The following PIP4K2A variants were observed in gnomAD, a reference collection of about 807,000 sequenced individuals.
PIP4K2A encodes phosphatidylinositol 5-phosphate 4-kinase type-2 alpha.
Under a neutral mutation model 42.9 loss-of-function variants are expected in PIP4K2A, and 14 were observed. The observed-to-expected ratio is 0.33, with a 90% confidence interval of 0.22 to 0.51. The LOEUF (loss-of-function observed/expected upper bound fraction) is 0.51, where lower values mean the gene tolerates loss of function less well. PIP4K2A is among the 20% of genes least tolerant of loss of function. The probability of loss-of-function intolerance (pLI) is 0.97; values close to 1 mark genes in which losing one functional copy is unlikely to be tolerated. For missense variants in PIP4K2A, 434 were observed against 519.8 expected (o/e 0.83, Z 1.61); for synonymous variants, 192 against 192.2 (o/e 1.00, Z 0.01).
chr10:22,661,350 T>C (rs112415998), intron 1 of PIP4K2A, among the ~76,000 whole-genome samples: 4 of 80,298 alleles, frequency 5.0e-5, no homozygotes, highest in Admixed American at 1.1e-4. Flanking sequence ...TGATGCTGCC[T>C]TTTTTTTTTT....
chr10:22,692,994 T>C (rs1011746046), intron 1 of PIP4K2A, among the ~76,000 whole-genome samples: 1 of 152,228 alleles, frequency 6.6e-6, no homozygotes, highest in African/African-American at 2.4e-5. Flanking sequence ...ACCTGGTGTG[T>C]GTCCCATTTT....
intron 6 of PIP4K2A, among the ~76,000 whole-genome samples, chr10:22,557,754 A>C (rs968095296): frequency 6.6e-6 from 1 of 152,240 alleles, no homozygotes; most frequent in African/African-American, 2.4e-5. Flanking sequence ...CTAAACTTTA[A>C]TTATACAACA....
At chr10:22,565,444 T>A (rs1417452916) in intron 6 of PIP4K2A, among the ~76,000 whole-genome samples, 2 of 152,178 alleles carry the variant, frequency 1.3e-5, no homozygotes, top group Non-Finnish European at 2.9e-5. Flanking sequence ...CAACATAAAT[T>A]GTAAAGATTT....
At chr10:22,615,926 C>T (rs1207368234) in intron 1 of PIP4K2A, among the ~76,000 whole-genome samples, 3 of 151,960 alleles carry the variant, frequency 2.0e-5, no homozygotes, top group Admixed American at 6.6e-5. Flanking sequence ...ATCCTGGGAG[C>T]GACTTCTTGT....
At chr10:22,595,052 T>C (rs141258577) in intron 3 of PIP4K2A, among the ~76,000 whole-genome samples, 57 of 152,282 alleles carry the variant, frequency 3.7e-4, no homozygotes, top group African/African-American at 1.2e-3. Context: ...ACTATGAATA[T>C]AAAAATACAT....
chr10:22,571,774 T>C (rs1441464384), intron 5 of PIP4K2A, among the ~76,000 whole-genome samples: 4 of 152,176 alleles, frequency 2.6e-5, no homozygotes, highest in Admixed American at 6.5e-5. Flanking sequence ...CTTTCCAAAC[T>C]TCATTATTGT....
chr10:22,698,286 T>C lies in PIP4K2A; in HGVS notation c.144+15897A>G, dbSNP rs181387179. On this transcript the variant is annotated intron_variant, in intron 1 of 9. Transcript: ENST00000376573. ...AAAAAAGGATATCTTTTTATTCCAA[T>C]CTTTGCTGTTCAATTTAGAACCCTG... Among the ~76,000 whole-genome samples, 199 of 152,320 alleles carry C rather than the reference T, an allele frequency of 1.3e-3. 1 individual carries two copies. Among genetic ancestry groups the C allele is most frequent in the African/African-American group, 4.4e-3 (184 of 41,578 alleles).
chr10:22,664,022 C>T (rs1278433372), intron 1 of PIP4K2A, among the ~76,000 whole-genome samples: 1 of 110,962 alleles, frequency 9.0e-6, no homozygotes, highest in Non-Finnish European at 1.7e-5. Context: ...TCTCTCTCTC[C>T]ATATATATAC....
At chr10:22,598,661 T>G (rs1162735007) in intron 3 of PIP4K2A, among the ~76,000 whole-genome samples, 1 of 152,166 alleles carries the variant, frequency 6.6e-6, no homozygotes, top group Non-Finnish European at 1.5e-5. Context: ...AGCAATGGGC[T>G]GAAGTCAGGG....
chr10:22,535,102 G>A lies in PIP4K2A; in HGVS notation c.*2099C>T, dbSNP rs1036016882. 2 of 152,214 alleles carry A rather than the reference G, an allele frequency of 1.3e-5. No homozygotes were observed. The highest frequency in any genetic ancestry group is 4.8e-5 in the African/African-American group (2 of 41,454). The allele number at this position is 152,214 out of a possible 1,614,324, so 9.4% of individuals were successfully genotyped here. ...TATCAACAGAAATAAATGACAGACTGTTTGTTATAGACAAAAATAAAAGCA... is the reference window on the plus strand; with the variant it reads ...TATCAACAGAAATAAATGACAGACTATTTGTTATAGACAAAAATAAAAGCA... On this transcript the variant is annotated 3_prime_UTR_variant, in exon 10 of 10. Transcript: ENST00000376573.
At chr10:22,683,937 T>C (rs1309570642) in intron 1 of PIP4K2A, among the ~76,000 whole-genome samples, 2 of 152,094 alleles carry the variant, frequency 1.3e-5, no homozygotes, top group East Asian at 1.9e-4. Context: ...CGCCCAGCGC[T>C]TCCTTGCCCG....
At chr10:22,608,769 C>T (rs1837964993) in intron 2 of PIP4K2A, among the ~76,000 whole-genome samples, 1 of 152,154 alleles carries the variant, frequency 6.6e-6, no homozygotes, top group African/African-American at 2.4e-5. Flanking sequence ...CCCAGCTATT[C>T]AGAAGGCTCA....
chr10:22,551,356 T>C (rs1836406767), intron 6 of PIP4K2A, among the ~76,000 whole-genome samples: 1 of 152,196 alleles, frequency 6.6e-6, no homozygotes, highest in Non-Finnish European at 1.5e-5. Context: ...GAAATTCTCT[T>C]CTCATTTGGA....
At position 22,591,745 on chromosome 10, in the gene PIP4K2A, A is replaced by T. The variant is rs749950706; in HGVS notation, c.376T>A (p.Ser126Thr). ...AAACGAGCTCCACTGCGGGCCTGGG[A>T]GTCGTTGGGGAGGGGTGCGCTCCTG... ...LTRSAPLPNDSQARSGARFHT... is the reference protein window; with the variant it reads ...LTRSAPLPNDTQARSGARFHT... Residue 126 changes from serine (S) to threonine (T), a missense_variant, in exon 4 of 10, where the codon TCC (serine) becomes ACC (threonine). Physicochemically the swap from Ser to Thr is moderately conservative, Grantham distance 58. This residue lies in a region of PIP4K2A where 395 missense variants were observed against 444.5 expected (regional missense o/e 0.89). Transcript: ENST00000376573. 77 of 1,612,796 alleles carry T rather than the reference A, an allele frequency of 4.8e-5. No homozygotes were observed. The Middle Eastern group carries it at 5.0e-4, about 10-fold the overall frequency.
At chr10:22,650,625 G>A (rs1838974839) in intron 1 of PIP4K2A, among the ~76,000 whole-genome samples, 1 of 152,144 alleles carries the variant, frequency 6.6e-6, no homozygotes, top group Non-Finnish European at 1.5e-5. Flanking sequence ...TCTCACTTAG[G>A]TGCCACTCGC....
chr10:22,550,582 T>G (rs1836385739), intron 7 of PIP4K2A, 77 bp downstream of exon 7: 1 of 820,364 alleles, frequency 1.2e-6, no homozygotes, highest in African/African-American at 1.7e-5. Flanking sequence ...TTTAAATAGA[T>G]GGTTTAAAAA....
chr10:22,576,787 A>G (rs1837134529), intron 4 of PIP4K2A, among the ~76,000 whole-genome samples: 2 of 152,188 alleles, frequency 1.3e-5, no homozygotes, highest in Admixed American at 1.3e-4. Context: ...ATATTCATTC[A>G]TAGAGGCTGA....
At chr10:22,656,284 T>C (rs561009261) in intron 1 of PIP4K2A, among the ~76,000 whole-genome samples, 2 of 152,280 alleles carry the variant, frequency 1.3e-5, no homozygotes, top group East Asian at 1.9e-4. Context: ...CCCTCTCGAA[T>C]TCCCAGTCCA....
chr10:22,551,941 A>T (rs1044190459), intron 6 of PIP4K2A, among the ~76,000 whole-genome samples: 3 of 152,180 alleles, frequency 2.0e-5, no homozygotes, highest in Non-Finnish European at 4.4e-5. Context: ...ACATGCATGT[A>T]AACAGTCACA....
Sources: gnomAD v4.1 joint callset for allele counts (sites outside exome capture counted in the v4.1 genomes callset) on GRCh38, gnomAD v4.1.1 for gene constraint, gnomAD v4.1.1 regional missense constraint, MANE v1.5 for transcripts, NCBI Gene and HGNC (gene_info 2026-07-23, HGNC 2026-07-21) for gene names.